Variants in TMEM26 observed in about 807,000 individuals in gnomAD.
TMEM26 encodes transmembrane protein 26.
Under a neutral mutation model 28.8 loss-of-function variants are expected in TMEM26, and 38 were observed. That is an observed-to-expected ratio of 1.32 (90% CI 1.02 to 1.73). TMEM26 has a LOEUF of 1.73. TMEM26 is among the 40% of genes most tolerant of loss of function. The pLI is 0.00. For missense variants in TMEM26, 518 were observed against 447.1 expected (o/e 1.16, Z -1.43); for synonymous variants, 227 against 182.9 (o/e 1.24, Z -1.95).
rs191859449 is a variant in TMEM26, at chr10:61,440,066, C to T, written c.192-3818G>A. Among the ~76,000 whole-genome samples, 100 of 152,124 alleles carry T rather than the reference C, an allele frequency of 6.6e-4. 2 individuals carry two copies. The East Asian group carries it at 6.8e-3, about 10-fold the overall frequency. The stretch of plus-strand genomic sequence containing the variant: ...ACCAGCCTGGCCAACATGGTGAACC[C>T]CCATCTCTACTAAAAATACAAAAAT... On this transcript the variant is annotated intron_variant, in intron 1 of 5. Transcript: ENST00000399298.
At chr10:61,445,585 C>A (rs753056451) in intron 1 of TMEM26, among the ~76,000 whole-genome samples, 1 of 151,964 alleles carries the variant, frequency 6.6e-6, no homozygotes, top group Non-Finnish European at 1.5e-5. Flanking sequence ...TGGCGTTCAC[C>A]CTGGCATGTT....
At chr10:61,417,812 C>CT (rs1262595477) in intron 4 of TMEM26, among the ~76,000 whole-genome samples, 3 of 152,126 alleles carry the variant, frequency 2.0e-5, no homozygotes, top group African/African-American at 7.2e-5. Context: ...TGTTGAAACT[C>CT]TGACTTGTGA....
At chr10:61,419,189 G>A (rs908018549) in intron 4 of TMEM26, among the ~76,000 whole-genome samples, 3 of 152,050 alleles carry the variant, frequency 2.0e-5, no homozygotes, top group Non-Finnish European at 2.9e-5. Context: ...TGGTGGGGGA[G>A]GCTGAAGATA....
intron 2 of TMEM26, among the ~76,000 whole-genome samples, 199 bp from the exon 3 acceptor site, chr10:61,431,531 T>C (rs1301761424): frequency 2.0e-5 from 3 of 152,098 alleles, no homozygotes; most frequent in Non-Finnish European, 4.4e-5. Context: ...GAATGTCAAG[T>C]ATACAAATCT....
chr10:61,430,951 T>C (rs1839911338), intron 3 of TMEM26, among the ~76,000 whole-genome samples: 1 of 152,080 alleles, frequency 6.6e-6, no homozygotes, highest in African/African-American at 2.4e-5. Context: ...TGTCTCTCAA[T>C]GTGCACATAT....
chr10:61,413,034 T>TGGGTCTGA lies in TMEM26; in HGVS notation c.682+424_682+425insTCAGACCC, dbSNP rs774880880. ...AATGAAAATTACTTCTTACAAATAA[T>TGGGTCTGA]AAGAAATAAAACTTTTATGGCAGCA... On this transcript the variant is annotated intron_variant, in intron 5 of 5. Transcript: ENST00000399298. The TGGGTCTGA allele has an allele frequency of 3.9e-5, 45 of 1,161,224 alleles. No homozygotes were observed. In the Admixed American group the frequency reaches 7.0e-4, roughly 18 times the overall value. 71.9% of individuals were successfully genotyped at this position (1,161,224 alleles called of 1,614,324 possible).
intron 5 of TMEM26, among the ~76,000 whole-genome samples, chr10:61,411,319 G>C (rs1839565947): frequency 6.6e-6 from 1 of 152,130 alleles, no homozygotes; most frequent in Admixed American, 6.5e-5. Flanking sequence ...GTTTCCATTA[G>C]AATAACAGCC....
At chr10:61,439,994 C>T (rs1840066119) in intron 1 of TMEM26, among the ~76,000 whole-genome samples, 1 of 152,160 alleles carries the variant, frequency 6.6e-6, no homozygotes, top group South Asian at 2.1e-4. Context: ...AATCCCAGCA[C>T]TTTGGGAGGC....
chr10:61,426,817 G>A (rs187261091), intron 4 of TMEM26, among the ~76,000 whole-genome samples: 1 of 152,132 alleles, frequency 6.6e-6, no homozygotes, highest in East Asian at 1.9e-4. Context: ...TGTCCCAGTT[G>A]GAAAGGATTA....
In TMEM26 at chr10:61,451,528, A is replaced by C. The variant is rs1840279721; in HGVS notation, c.191+1363T>G. ...TATATGACCTGCTGAGTGAACAAAC[A>C]CTTTTCTCCCCCTTTGTTTCTTTAT... On this transcript the variant is annotated intron_variant, in intron 1 of 5. Transcript: ENST00000399298. 2.0e-5 allele frequency among the ~76,000 whole-genome samples: 3 copies of C among 152,250 alleles called. No homozygotes were observed. The South Asian group carries it at 6.2e-4, about 32-fold the overall frequency.
intron 4 of TMEM26, chr10:61,415,920 A>G (rs913965575): frequency 9.9e-6 from 3 of 304,128 alleles, no homozygotes; most frequent in Admixed American, 9.0e-5. Flanking sequence ...CATATGTTTA[A>G]GGACTATAAT....
intron 4 of TMEM26, among the ~76,000 whole-genome samples, chr10:61,423,620 C>T (rs953452865): frequency 9.2e-5 from 14 of 152,058 alleles, no homozygotes; most frequent in Non-Finnish European, 1.3e-4. Flanking sequence ...TGCCTCTGGT[C>T]CCACCTGCTT....
At chr10:61,421,688 A>G (rs1055163081) in intron 4 of TMEM26, among the ~76,000 whole-genome samples, 1 of 152,140 alleles carries the variant, frequency 6.6e-6, no homozygotes, top group Admixed American at 6.6e-5. Context: ...AGAAACTAGG[A>G]GAGAAGCATG....
rs549798373 is a variant in TMEM26, at chr10:61,409,492, A to G, written c.*830T>C. On this transcript the variant is annotated 3_prime_UTR_variant, in exon 6 of 6. Transcript: ENST00000399298. Reference sequence around the variant, plus strand: ...ATTCACTGCTTCAGAGCTTCCCTGCATCAGCCCACATGATTCAACTTGGCA... The same window carrying G: ...ATTCACTGCTTCAGAGCTTCCCTGCGTCAGCCCACATGATTCAACTTGGCA... The G allele has an allele frequency of 3.3e-5, 5 of 152,294 alleles. No individual in the cohort carries two copies. Among genetic ancestry groups the G allele is most frequent in the Non-Finnish European group, 5.9e-5 (4 of 68,094 alleles). The allele number at this position is 152,294 out of a possible 1,614,324, so 9.4% of individuals were successfully genotyped here.
intron 4 of TMEM26, among the ~76,000 whole-genome samples, chr10:61,416,745 T>C (rs1041634514): frequency 6.6e-6 from 1 of 152,012 alleles, no homozygotes; most frequent in African/African-American, 2.4e-5. Context: ...CAAAAAGTCA[T>C]AAATAAACAT....
At chr10:61,411,492 C>T (rs1020185858) in intron 5 of TMEM26, among the ~76,000 whole-genome samples, 2 of 152,168 alleles carry the variant, frequency 1.3e-5, no homozygotes, top group African/African-American at 2.4e-5. Flanking sequence ...CAAGCGTGTG[C>T]GCAAATTGTG....
intron 4 of TMEM26, among the ~76,000 whole-genome samples, chr10:61,423,214 T>C (rs1337489271): frequency 1.3e-5 from 2 of 152,144 alleles, no homozygotes; most frequent in African/African-American, 2.4e-5. Flanking sequence ...TTAAAAAATC[T>C]TCCCACAAAA....
At chr10:61,452,832 G>C in intron 1 of TMEM26, 59 bp downstream of exon 1, 1 of 1,543,850 alleles carries the variant, frequency 6.5e-7, no homozygotes. Context: ...GCCTGCGAGT[G>C]CGGTGGGGGA....
At chr10:61,425,223 G>A (rs2135303295) in intron 4 of TMEM26, among the ~76,000 whole-genome samples, 2 of 152,224 alleles carry the variant, frequency 1.3e-5, no homozygotes, top group Middle Eastern at 3.4e-3. Flanking sequence ...TATCACAAGA[G>A]CAGTGCAGGA....
Sources: gnomAD v4.1 joint callset for allele counts (sites outside exome capture counted in the v4.1 genomes callset) on GRCh38, gnomAD v4.1.1 for gene constraint, MANE v1.5 for transcripts, NCBI Gene and HGNC (gene_info 2026-07-23, HGNC 2026-07-21) for gene names.